Variants in CEP152 observed in about 807,000 individuals in gnomAD.
CEP152 encodes the protein centrosomal protein of 152 kDa.
Under a neutral mutation model 188.9 loss-of-function variants are expected in CEP152, and 132 were observed. The observed-to-expected ratio is 0.70, with a 90% CI of 0.61 to 0.81. The LOEUF (loss-of-function observed/expected upper bound fraction) is 0.81, where lower values mean the gene tolerates loss of function less well. Ranked by LOEUF, CEP152 falls within the 30% of genes least tolerant of loss-of-function variation. The pLI is 0.00. For synonymous variants in CEP152, 649 were observed against 666.6 expected (o/e 0.97, Z 0.41); for missense variants, 1,914 against 1,969.8 (o/e 0.97, Z 0.54).
At chr15:48,732,562 G>A (rs763472682) in intron 2 of CEP152, among the ~76,000 whole-genome samples, 2 of 151,882 alleles carry the variant, frequency 1.3e-5, no homozygotes, top group Non-Finnish European at 2.9e-5. Flanking sequence ...TTGGGGTGAG[G>A]GGAGGGAACT....
chr15:48,786,285 C>A (rs979226564), intron 9 of CEP152, among the ~76,000 whole-genome samples: 1 of 151,796 alleles, frequency 6.6e-6, no homozygotes. Context: ...CGATAGTTTA[C>A]TAGGAGAGAA....
At chr15:48,781,816 A>T (rs1196325210) in intron 11 of CEP152, among the ~76,000 whole-genome samples, 1 of 152,202 alleles carries the variant, frequency 6.6e-6, no homozygotes. Context: ...GGAGGAGGAT[A>T]TGACAGAATT....
chr15:48,771,019 A>G (rs1291492261), intron 13 of CEP152, among the ~76,000 whole-genome samples: 1 of 152,204 alleles, frequency 6.6e-6, no homozygotes, highest in Non-Finnish European at 1.5e-5. Context: ...CCAGGAGGAA[A>G]AGGAGTATAC....
chr15:48,733,781 T>G (rs1206310475), downstream of CEP152, among the ~76,000 whole-genome samples: 2 of 152,128 alleles, frequency 1.3e-5, no homozygotes, highest in Non-Finnish European at 2.9e-5. Flanking sequence ...CAATTCATCA[T>G]ATATAAAGAA....
At chr15:48,736,772 AATGTT>A (rs1892620242), downstream of CEP152, among the ~76,000 whole-genome samples, 3 of 152,202 alleles carry the variant, frequency 2.0e-5, no homozygotes, top group Admixed American at 2.0e-4. Flanking sequence ...TTTCAACCTT[AATGTT>A]GAGAGTTTAA....
Position 48,748,362 on chromosome 15 carries a change from T to A in CEP152, c.3634+81A>T, listed in dbSNP as rs1893615828. On this transcript the variant is annotated intron_variant, in intron 22 of 26. Transcript: ENST00000380950. ...TCCCAAAAGAGGATCAGTGCACACA[T>A]TAACTAAAATGTCACATTTGAACAT... 6 of 1,422,902 alleles carry A rather than the reference T, an allele frequency of 4.2e-6. No individual in the cohort carries two copies. The South Asian group carries it at 9.9e-5, about 23-fold the overall frequency. The allele number at this position is 1,422,902 out of a possible 1,614,324, so 88.1% of individuals were successfully genotyped here.
chr15:48,790,853 C>G lies in CEP152; in HGVS notation c.972+384G>C, dbSNP rs150311503. Among the ~76,000 whole-genome samples the G allele has an allele frequency of 3.3e-3, 502 of 152,318 alleles. 1 individual carries two copies. The highest frequency in any genetic ancestry group is 0.012 in the African/African-American group (482 of 41,560). On this transcript the variant is annotated intron_variant, in intron 8 of 26. Transcript: ENST00000380950. ...AAAGTGCTGGGATTACAGGCGTGAG[C>G]CACTGCATCCGGCCATCACTTTCAT...
intron 6 of CEP152, among the ~76,000 whole-genome samples, chr15:48,794,477 C>T (rs923515628): frequency 3.9e-5 from 6 of 152,284 alleles, no homozygotes; most frequent in African/African-American, 1.4e-4. Context: ...ACAAGTCAAA[C>T]TCCTCATAGG....
chr15:48,770,372 T>C (rs937888792), intron 13 of CEP152, among the ~76,000 whole-genome samples: 4 of 152,118 alleles, frequency 2.6e-5, no homozygotes, highest in Non-Finnish European at 4.4e-5. Context: ...AAAGATGAGA[T>C]AGTTATTCCT....
chr15:48,754,033 T>C (rs148443313), intron 20 of CEP152, among the ~76,000 whole-genome samples: 2 of 152,312 alleles, frequency 1.3e-5, no homozygotes, highest in Non-Finnish European at 2.9e-5. Context: ...ATGTAACAAA[T>C]TTAAAATCAC....
chr15:48,752,535 G>C, intron 20 of CEP152, 66 bp from the exon 21 acceptor site: 1 of 1,561,510 alleles, frequency 6.4e-7, no homozygotes, highest in Non-Finnish European at 8.6e-7. Context: ...TATTTAAAAT[G>C]CTAATATTAA....
At chr15:48,751,632 G>A (rs2140637227) in intron 21 of CEP152, among the ~76,000 whole-genome samples, 1 of 152,304 alleles carries the variant, frequency 6.6e-6, no homozygotes, top group East Asian at 1.9e-4. Flanking sequence ...CAGCAAATAA[G>A]CAGCAGAGAG....
At chr15:48,792,040 T>C (rs999610129) in intron 7 of CEP152, among the ~76,000 whole-genome samples, 1 of 152,190 alleles carries the variant, frequency 6.6e-6, no homozygotes, top group Non-Finnish European at 1.5e-5. Flanking sequence ...GTCGCCAAGC[T>C]GGAGGGCAGA....
rs1892747271 is a variant in CEP152, at chr15:48,738,773, T to C, written c.4609A>G (p.Lys1537Glu). The C allele has an allele frequency of 6.2e-7, 1 of 1,614,118 alleles. No individual in the cohort carries two copies. Among genetic ancestry groups the C allele is most frequent in the Non-Finnish European group, 8.5e-7 (1 of 1,180,028 alleles). ...TCACTTTCCATTAGTGGATTGCATT[T>C]ATATACTTTTAAACCAAGTCTTTCA... ...SNERLGLKVY[K>E]CNPLMESENA... The change falls in exon 27 of 27, where the codon AAA becomes GAA. Residue 1537 changes from lysine to glutamate, a missense_variant. Lys to Glu is a moderately conservative substitution (Grantham distance 56). Transcript: ENST00000380950.
Position 48,792,690 on chromosome 15 carries a change from A to G in CEP152, c.832+631T>C, listed in dbSNP as rs142353084. Among the ~76,000 whole-genome samples the G allele has an allele frequency of 3.6e-3, 541 of 152,370 alleles. 1 individual carries two copies. The highest frequency in any genetic ancestry group is 0.013 in the African/African-American group (520 of 41,596). On this transcript the variant is annotated intron_variant, in intron 7 of 26. Transcript: ENST00000380950. ...GGAATACTTCATCCAGAGTAATGACATAAGGAATCAGACATAAGGAATCAA... is the reference window on the plus strand; with the variant it reads ...GGAATACTTCATCCAGAGTAATGACGTAAGGAATCAGACATAAGGAATCAA...
At chr15:48,761,912 T>C (rs1894715611) in intron 18 of CEP152, among the ~76,000 whole-genome samples, 1 of 152,224 alleles carries the variant, frequency 6.6e-6, no homozygotes, top group African/African-American at 2.4e-5. Flanking sequence ...GGCACCACTT[T>C]TGGAAAGCTG....
intron 2 of CEP152, among the ~76,000 whole-genome samples, chr15:48,730,820 A>G (rs1172697292): frequency 6.6e-6 from 1 of 152,236 alleles, no homozygotes; most frequent in Non-Finnish European, 1.5e-5. Flanking sequence ...GATAAAGTCT[A>G]AGCAAATAAT....
At chr15:48,791,827 AAATT>A (rs1388885067) in intron 7 of CEP152, among the ~76,000 whole-genome samples, 1 of 151,750 alleles carries the variant, frequency 6.6e-6, no homozygotes, top group African/African-American at 2.4e-5. Flanking sequence ...CCAAATAAAT[AAATT>A]ATTAAAAATT....
At chr15:48,806,263 T>A (rs1045353587) in intron 1 of CEP152, among the ~76,000 whole-genome samples, 1 of 151,712 alleles carries the variant, frequency 6.6e-6, no homozygotes, top group Non-Finnish European at 1.5e-5. Flanking sequence ...AAGTGAAGGC[T>A]GTGAAGCTCC....
Sources: gnomAD v4.1 joint callset for allele counts (sites outside exome capture counted in the v4.1 genomes callset) on GRCh38, gnomAD v4.1.1 for gene constraint, MANE v1.5 for transcripts, NCBI Gene and HGNC (gene_info 2026-07-23, HGNC 2026-07-21) for gene names.